ST6GALNAC3: variants seen among roughly 807,000 people sequenced by gnomAD.
ST6GALNAC3 encodes the protein ST6 N-acetylgalactosaminide alpha-2,6-sialyltransferase 3, also known as alpha-N-acetylgalactosaminide alpha-2,6-sialyltransferase 3.
ST6GALNAC3 carries 25 observed loss-of-function variants against 32.7 expected under a neutral mutation model. That is an observed-to-expected ratio of 0.76 (90% CI 0.56 to 1.07). ST6GALNAC3 has a LOEUF of 1.07. Ranked by LOEUF, ST6GALNAC3 falls within the 50% of genes least tolerant of loss-of-function variation. The pLI, the probability that ST6GALNAC3 is intolerant of heterozygous loss-of-function variation, is 0.00. For synonymous variants in ST6GALNAC3, 129 were observed against 133.1 expected (o/e 0.97, Z 0.21); for missense variants, 355 against 382.4 (o/e 0.93, Z 0.60).
intron 1 of ST6GALNAC3, among the ~76,000 whole-genome samples, chr1:76,228,683 T>C (rs1656206273): frequency 6.6e-6 from 1 of 152,196 alleles, no homozygotes; most frequent in Non-Finnish European, 1.5e-5. Flanking sequence ...ACTCACTTGG[T>C]TTACTTTCAG....
chr1:76,243,835 G>C (rs1557722163), intron 1 of ST6GALNAC3, among the ~76,000 whole-genome samples: 1 of 152,204 alleles, frequency 6.6e-6, no homozygotes, highest in Non-Finnish European at 1.5e-5. Flanking sequence ...GTACCATGCT[G>C]TTTTGGTTAC....
At chr1:76,247,509 G>C (rs188489987) in intron 1 of ST6GALNAC3, among the ~76,000 whole-genome samples, 1 of 152,096 alleles carries the variant, frequency 6.6e-6, no homozygotes, top group Non-Finnish European at 1.5e-5. Context: ...CATTTCCTTC[G>C]AAGATGTCTT....
At chr1:76,243,288 T>G (rs1219414984) in intron 1 of ST6GALNAC3, among the ~76,000 whole-genome samples, 2 of 152,212 alleles carry the variant, frequency 1.3e-5, no homozygotes, top group Non-Finnish European at 2.9e-5. Flanking sequence ...TCGCCCACTT[T>G]TTGATGGGGT....
chr1:76,591,697 T>C (rs1480277481), intron 3 of ST6GALNAC3, among the ~76,000 whole-genome samples: 2 of 152,020 alleles, frequency 1.3e-5, no homozygotes, highest in Non-Finnish European at 2.9e-5. Flanking sequence ...GAGTTGTGTA[T>C]GTGAGGTAAT....
intron 1 of ST6GALNAC3, among the ~76,000 whole-genome samples, chr1:76,207,010 A>G (rs1168424276): frequency 6.6e-6 from 1 of 152,204 alleles, no homozygotes; most frequent in Non-Finnish European, 1.5e-5. Flanking sequence ...AAGAATTCCC[A>G]AAGAAGGAAG....
intron 3 of ST6GALNAC3, among the ~76,000 whole-genome samples, chr1:76,501,433 A>ATTCCTTCC (rs1298936900): frequency 6.6e-6 from 1 of 152,178 alleles, no homozygotes; most frequent in African/African-American, 2.4e-5. Context: ...GGACAAGAAA[A>ATTCCTTCC]TTCCTTCCTT....
At chr1:76,444,603 C>G (rs545643453) in intron 3 of ST6GALNAC3, among the ~76,000 whole-genome samples, 2 of 152,166 alleles carry the variant, frequency 1.3e-5, no homozygotes, top group Non-Finnish European at 2.9e-5. Context: ...TAGGGATGTC[C>G]TTTACATGTC....
chr1:76,076,691 T>C (rs1646820659), intron 1 of ST6GALNAC3, among the ~76,000 whole-genome samples: 1 of 152,246 alleles, frequency 6.6e-6, no homozygotes, highest in South Asian at 2.1e-4. Flanking sequence ...ATCCTTACTA[T>C]ATCCTCAGTC....
intron 2 of ST6GALNAC3, among the ~76,000 whole-genome samples, chr1:76,361,993 A>AAAAAC (rs71071994): frequency 3.2e-5 from 3 of 93,660 alleles, no homozygotes; most frequent in African/African-American, 9.4e-5. Context: ...AAAAAAAAAA[A>AAAAAC]GAGAGAAAGA....
rs547271921 is a variant in ST6GALNAC3 at position 76,509,308 on chromosome 1, A to G, written c.623+96891A>G. Among the ~76,000 whole-genome samples, 10 of 152,314 alleles carry G rather than the reference A, an allele frequency of 6.6e-5. No individual in the cohort carries two copies. The South Asian group carries it at 2.1e-3, about 32-fold the overall frequency. On this transcript the variant is annotated intron_variant, in intron 3 of 4. Coordinates refer to ENST00000328299, the MANE Select transcript of ST6GALNAC3 (RefSeq NM_152996.4). The surrounding 1 kb of genome is among the most constrained non-coding windows in gnomAD (Gnocchi z 5.5). ...TTGCATTCAAAGAATGGTTTAAAGAATATTGGCAGGAATCCAGTAAACTAG... is the reference window on the plus strand; with the variant it reads ...TTGCATTCAAAGAATGGTTTAAAGAGTATTGGCAGGAATCCAGTAAACTAG...
At chr1:76,176,348 T>C (rs1652851863) in intron 1 of ST6GALNAC3, among the ~76,000 whole-genome samples, 1 of 152,234 alleles carries the variant, frequency 6.6e-6, no homozygotes, top group Non-Finnish European at 1.5e-5. Context: ...AGCCTGCTCA[T>C]TGCTGGAAGG....
At chr1:76,353,260 C>T (rs970055914) in intron 2 of ST6GALNAC3, among the ~76,000 whole-genome samples, 1 of 152,160 alleles carries the variant, frequency 6.6e-6, no homozygotes, top group African/African-American at 2.4e-5. Context: ...TGTTTCCTCT[C>T]CCTGTACGTT....
At chr1:76,266,141 T>G (rs1658513617) in intron 1 of ST6GALNAC3, among the ~76,000 whole-genome samples, 1 of 152,230 alleles carries the variant, frequency 6.6e-6, no homozygotes. Context: ...TTGAATTTAT[T>G]TATTAATTCA....
chr1:76,350,457 G>A (rs1285456545), intron 2 of ST6GALNAC3, among the ~76,000 whole-genome samples: 1 of 152,140 alleles, frequency 6.6e-6, no homozygotes, highest in Admixed American at 6.5e-5. Context: ...AATAACTACT[G>A]ACAGTTAATA....
intron 3 of ST6GALNAC3, among the ~76,000 whole-genome samples, chr1:76,514,448 C>T (rs1274141708): frequency 1.3e-5 from 2 of 152,010 alleles, no homozygotes; most frequent in African/African-American, 4.8e-5. Flanking sequence ...GAAAGTGGGG[C>T]CTAGTGGTAG....
chr1:76,424,449 G>A (rs1243016622), intron 3 of ST6GALNAC3, among the ~76,000 whole-genome samples: 3 of 151,836 alleles, frequency 2.0e-5, no homozygotes, highest in Non-Finnish European at 2.9e-5. Context: ...TTGCTGCCAA[G>A]CACATTGTGG....
At chr1:76,503,965 C>T (rs1661328259) in intron 3 of ST6GALNAC3, among the ~76,000 whole-genome samples, 1 of 152,178 alleles carries the variant, frequency 6.6e-6, no homozygotes, top group African/African-American at 2.4e-5. Flanking sequence ...GAGGAAGGAA[C>T]TGGGTTTTTT....
intron 1 of ST6GALNAC3, among the ~76,000 whole-genome samples, chr1:76,221,151 T>C (rs1157802946): frequency 6.6e-6 from 1 of 152,170 alleles, no homozygotes; most frequent in Non-Finnish European, 1.5e-5. Flanking sequence ...GTGGAATGGA[T>C]GGATAAGTAT....
intron 1 of ST6GALNAC3, among the ~76,000 whole-genome samples, chr1:76,172,661 C>G (rs1652598227): frequency 1.3e-5 from 2 of 152,070 alleles, no homozygotes; most frequent in Non-Finnish European, 2.9e-5. Context: ...AATTAATGTG[C>G]AAAAATCACA....
Sources: allele counts gnomAD v4.1 joint callset (sites outside exome capture counted in the v4.1 genomes callset), GRCh38; gene constraint gnomAD v4.1.1; non-coding constraint Gnocchi (gnomAD v3.1); transcripts MANE v1.5; gene names NCBI Gene and HGNC (gene_info 2026-07-23, HGNC 2026-07-21).